The following DLG2 variants were observed in gnomAD, a reference collection of about 807,000 sequenced individuals.
The protein encoded by DLG2 is disks large homolog 2.
Under a neutral mutation model 132.5 loss-of-function variants are expected in DLG2, and 45 were observed. The observed-to-expected ratio is 0.34, with a 90% CI of 0.27 to 0.44. The LOEUF is 0.44. Ranked by LOEUF, DLG2 falls within the 20% of genes least tolerant of loss-of-function variation. The pLI is 1.00. For synonymous variants in DLG2, 424 were observed against 419.6 expected (o/e 1.01, Z -0.13); for missense variants, 1,045 against 1,196.9 (o/e 0.87, Z 1.87).
chr11:84,807,474 A>G (rs1332099936), intron 6 of DLG2, among the ~76,000 whole-genome samples: 2 of 152,078 alleles, frequency 1.3e-5, no homozygotes, highest in African/African-American at 2.4e-5. Flanking sequence ...AAAAGCAAAA[A>G]AAGAATAAAA....
chr11:83,730,146 G>GCTTTTTTTTTTTTTTTTTTTTTTTTTTT (rs775673275), intron 18 of DLG2, among the ~76,000 whole-genome samples: 1 of 111,004 alleles, frequency 9.0e-6, no homozygotes, highest in African/African-American at 3.5e-5. Context: ...TTTTTTTATG[G>GCTTTTTTTTTTTTTTTTTTTTTTTTTTT]TTTTTTTTTT....
chr11:85,500,501 C>G (rs1488758973), intron 3 of DLG2, among the ~76,000 whole-genome samples: 1 of 148,230 alleles, frequency 6.7e-6, no homozygotes, highest in Non-Finnish European at 1.5e-5. Context: ...TGTAACTAAC[C>G]TGCACAATGT....
intron 7 of DLG2, among the ~76,000 whole-genome samples, chr11:84,254,264 T>C (rs2097430632): frequency 1.3e-5 from 2 of 152,296 alleles, no homozygotes; most frequent in South Asian, 4.1e-4. Context: ...AATAATGTGT[T>C]ATGGGAATAA....
intron 6 of DLG2, among the ~76,000 whole-genome samples, chr11:84,982,034 C>T (rs2055829204): frequency 1.3e-5 from 2 of 152,078 alleles, no homozygotes; most frequent in African/African-American, 2.4e-5. Context: ...CATTTTTACC[C>T]TTTACCTTCC....
At position 85,154,553 on chromosome 11, in the gene DLG2, T is replaced by TA. The variant is rs1214342424; in HGVS notation, c.282+2dup. The stretch of plus-strand genomic sequence containing the variant: ...TAAGAAAAGAAAACAGTATAACACT[T>TA]ACAGTTGTCGTCTCATCAGTTTCAT... On this transcript the variant is annotated splice_region_variant and intron_variant, in intron 5 of 27. Transcript: ENST00000376104. 5 of 1,408,614 alleles carry TA rather than the reference T, an allele frequency of 3.5e-6. No homozygotes were observed. The African/African-American group carries it at 5.7e-5, about 16-fold the overall frequency. 87.3% of individuals were successfully genotyped at this position (1,408,614 alleles called of 1,614,324 possible). A position where few individuals can be genotyped will look rare whatever the true frequency, so the allele number is the denominator to read the frequency against.
In DLG2 at chr11:84,105,579, C is replaced by T. The variant is rs115278004; in HGVS notation, c.625-6532G>A. On this transcript the variant is annotated intron_variant, in intron 9 of 27. Coordinates refer to ENST00000376104, the MANE Select transcript of DLG2 (RefSeq NM_001142699.3). ...TTGATCCAACAAGTATGGATTAATG[C>T]ATTTTAACCTACACTGATAATATAT... Among the ~76,000 whole-genome samples, 499 of 152,208 alleles carry T rather than the reference C, an allele frequency of 3.3e-3. 4 individuals carry two copies. The highest frequency in any genetic ancestry group is 0.012 in the African/African-American group (487 of 41,538).
At chr11:83,836,183 T>C (rs2056119586) in intron 16 of DLG2, among the ~76,000 whole-genome samples, 1 of 152,174 alleles carries the variant, frequency 6.6e-6, no homozygotes, top group Non-Finnish European at 1.5e-5. Flanking sequence ...TATTCAGGCC[T>C]TCAGTGGATT....
chr11:85,580,073 G>C (rs1329363125), intron 3 of DLG2, among the ~76,000 whole-genome samples: 1 of 152,060 alleles, frequency 6.6e-6, no homozygotes, highest in Non-Finnish European at 1.5e-5. Context: ...AGATCTGATG[G>C]TTTTATAAAG....
chr11:84,463,863 C>T (rs530510330), intron 7 of DLG2, among the ~76,000 whole-genome samples: 1 of 151,140 alleles, frequency 6.6e-6, no homozygotes, highest in African/African-American at 2.4e-5. Context: ...ACTTGATCGA[C>T]CTATTATACT....
chr11:84,459,468 T>A (rs577877625), intron 7 of DLG2, among the ~76,000 whole-genome samples: 150 of 150,928 alleles, frequency 9.9e-4, no homozygotes, highest in African/African-American at 3.5e-3. Context: ...TTGTATTAAG[T>A]ATTAGAAATT....
intron 6 of DLG2, among the ~76,000 whole-genome samples, chr11:84,578,224 C>T (rs1455328940): frequency 6.6e-6 from 1 of 150,738 alleles, no homozygotes; most frequent in Non-Finnish European, 1.5e-5. Context: ...TGGGATCAGA[C>T]CCCCCACCCC....
intron 7 of DLG2, among the ~76,000 whole-genome samples, chr11:84,426,644 C>T (rs1339841672): frequency 6.6e-6 from 1 of 152,026 alleles, no homozygotes; most frequent in Non-Finnish European, 1.5e-5. Context: ...AAGGAAGGTC[C>T]TTTCTAGTTT....
At chr11:84,702,537 A>G (rs1472339447) in intron 6 of DLG2, among the ~76,000 whole-genome samples, 1 of 151,642 alleles carries the variant, frequency 6.6e-6, no homozygotes, top group East Asian at 1.9e-4. Flanking sequence ...TTCCTTACAC[A>G]TTAATTAGTC....
chr11:84,207,625 C>A (rs1191708532), intron 8 of DLG2, among the ~76,000 whole-genome samples: 1 of 152,108 alleles, frequency 6.6e-6, no homozygotes, highest in East Asian at 1.9e-4. Flanking sequence ...TCACATCATA[C>A]ACAACAAGTA....
chr11:84,047,929 A>T (rs768184107), intron 11 of DLG2, among the ~76,000 whole-genome samples: 1 of 151,616 alleles, frequency 6.6e-6, no homozygotes, highest in Non-Finnish European at 1.5e-5. Flanking sequence ...TTGTTCTTTC[A>T]TGATAAATGA....
At chr11:84,567,651 G>A (rs769193695) in intron 6 of DLG2, among the ~76,000 whole-genome samples, 14 of 152,108 alleles carry the variant, frequency 9.2e-5, no homozygotes, top group Admixed American at 2.6e-4. Context: ...TGAAAGTAGC[G>A]GCTGTTACTT....
At chr11:84,479,521 A>T (rs1427927441) in intron 7 of DLG2, among the ~76,000 whole-genome samples, 1 of 152,142 alleles carries the variant, frequency 6.6e-6, no homozygotes, top group African/African-American at 2.4e-5. Context: ...AAACTTTAAG[A>T]CAATATGTTT....
At chr11:84,330,384 G>C (rs2098453087) in intron 7 of DLG2, among the ~76,000 whole-genome samples, 1 of 152,132 alleles carries the variant, frequency 6.6e-6, no homozygotes, top group African/African-American at 2.4e-5. Context: ...AGTGTCTCAA[G>C]CATATGTACT....
intron 4 of DLG2, among the ~76,000 whole-genome samples, chr11:85,234,626 A>T (rs1272738841): frequency 6.6e-6 from 1 of 152,026 alleles, no homozygotes; most frequent in Non-Finnish European, 1.5e-5. Flanking sequence ...CTGTCTATCC[A>T]TTAGAGTGGT....
Sources: allele counts gnomAD v4.1 joint callset (sites outside exome capture counted in the v4.1 genomes callset), GRCh38; gene constraint gnomAD v4.1.1; transcripts MANE v1.5; gene names NCBI Gene and HGNC (gene_info 2026-07-23, HGNC 2026-07-21).